Variants in DOCK8 observed in about 807,000 individuals in gnomAD.
The protein encoded by DOCK8 is dedicator of cytokinesis protein 8.
In DOCK8, 141 loss-of-function variants were observed where a neutral mutation model predicts 245.6. The ratio of observed to expected loss-of-function variants is 0.57; its 90% CI spans 0.50 to 0.66. The LOEUF is 0.66. Ranked by LOEUF, DOCK8 falls within the 30% of genes least tolerant of loss-of-function variation. The probability of loss-of-function intolerance (pLI) is 0.00; values close to 1 mark genes in which losing one functional copy is unlikely to be tolerated. For synonymous variants in DOCK8, 1,168 were observed against 970.2 expected (o/e 1.20, Z -3.79); for missense variants, 2,965 against 2,603.4 (o/e 1.14, Z -3.02).
chr9:400,291 A>T (rs1227278338), intron 26 of DOCK8, among the ~76,000 whole-genome samples: 5 of 75,580 alleles, frequency 6.6e-5, no homozygotes, highest in Admixed American at 1.4e-4. Flanking sequence ...TTCCTTCACC[A>T]CCACCACCAT....
chr9:465,195 A>G lies in DOCK8; in HGVS notation c.*976A>G, dbSNP rs965757367. 2.6e-5 allele frequency: 4 copies of G among 152,670 alleles called. No homozygotes were observed. Among genetic ancestry groups the G allele is most frequent in the African/African-American group, 9.6e-5 (4 of 41,458 alleles). The allele number at this position is 152,670 out of a possible 1,614,324, so 9.5% of individuals were successfully genotyped here. A position where few individuals can be genotyped will look rare whatever the true frequency, so the allele number is the denominator to read the frequency against. ...ACATTATTTGAGAATTAAATTATAT[A>G]TTTTTAATATGACTGTGACCTTGAC... On this transcript the variant is annotated 3_prime_UTR_variant, in exon 48 of 48. Transcript: ENST00000432829.
intron 23 of DOCK8, among the ~76,000 whole-genome samples, chr9:388,843 C>T (rs897905515): frequency 2.0e-5 from 3 of 152,134 alleles, no homozygotes; most frequent in African/African-American, 7.2e-5. Context: ...CATGAGTCAA[C>T]ACACCTAGCC....
rs1016679656 is a variant in DOCK8 at position 275,985 on chromosome 9, C to T, written c.156+4256C>T. ...TGCTCTCTGCAACCTCTGCCTCCTG[C>T]GTTCAAGTGATTCTCCTGACTTAGC... On this transcript the variant is annotated intron_variant, in intron 2 of 47. Coordinates refer to ENST00000432829, the MANE Select transcript of DOCK8 (RefSeq NM_203447.4). Among the ~76,000 whole-genome samples, 8 of 152,026 alleles carry T rather than the reference C, an allele frequency of 5.3e-5. No homozygotes were observed. In the South Asian group the frequency reaches 6.2e-4, roughly 12 times the overall value.
rs184022224 is a variant in DOCK8 at position 378,614 on chromosome 9, A to G, written c.2441-1157A>G. Among the ~76,000 whole-genome samples, 65 of 152,352 alleles carry G rather than the reference A, an allele frequency of 4.3e-4. 1 individual carries two copies. The highest frequency in any genetic ancestry group is 2.5e-3 in the South Asian group (12 of 4,832). On this transcript the variant is annotated intron_variant, in intron 20 of 47. Transcript: ENST00000432829. ...CTTCGATTACTTTCTGTGCCCCCGC[A>G]TATGTGGCACACTGCTTTGTATGTT...
intron 23 of DOCK8, among the ~76,000 whole-genome samples, chr9:389,354 T>G (rs899991052): frequency 1.3e-5 from 2 of 152,182 alleles, no homozygotes; most frequent in Non-Finnish European, 2.9e-5. Context: ...TGAAGGGAAG[T>G]GAAGACGCAA....
At position 368,015 on chromosome 9, in the gene DOCK8, C is replaced by T; in HGVS notation, c.1680-3C>T. The T allele has an allele frequency of 6.2e-7, 1 of 1,609,530 alleles. No homozygotes were observed. The highest frequency in any genetic ancestry group is 8.5e-7 in the Non-Finnish European group (1 of 1,175,832). Reference sequence around the variant, plus strand: ...CATTGATTCTTTATCTCTTCTTTTCCAGAAACCTTCTCTATGTCTACCCAC... The same window carrying T: ...CATTGATTCTTTATCTCTTCTTTTCTAGAAACCTTCTCTATGTCTACCCAC... On this transcript the variant is annotated splice_region_variant and splice_polypyrimidine_tract_variant and intron_variant, in intron 14 of 47. Transcript: ENST00000432829.
At position 450,366 on chromosome 9, in the gene DOCK8, A is replaced by T. The variant is rs191209767; in HGVS notation, c.5961+439A>T. Among the ~76,000 whole-genome samples the T allele has an allele frequency of 1.4e-4, 22 of 152,314 alleles. No individual in the cohort carries two copies. The South Asian group carries it at 3.9e-3, about 27-fold the overall frequency. ...CAACTCTTGGCTCAGTCAGCAGATG[A>T]ACCCAGCATGCCAAGGACCTTGACA... On this transcript the variant is annotated intron_variant, in intron 45 of 47. Coordinates refer to ENST00000432829, the MANE Select transcript of DOCK8 (RefSeq NM_203447.4).
intron 1 of DOCK8, among the ~76,000 whole-genome samples, chr9:243,581 G>A (rs1403428890): frequency 1.3e-5 from 2 of 152,252 alleles, no homozygotes; most frequent in East Asian, 3.9e-4. Flanking sequence ...ACTGACCCAT[G>A]TTCTGTTTCA....
At chr9:429,040 T>C (rs2056607136) in intron 35 of DOCK8, among the ~76,000 whole-genome samples, 1 of 152,232 alleles carries the variant, frequency 6.6e-6, no homozygotes, top group Non-Finnish European at 1.5e-5. Context: ...CCATCTCAGC[T>C]CACTGCAGCC....
chr9:230,803 C>T (rs1396008664), intron 1 of DOCK8, among the ~76,000 whole-genome samples: 1 of 151,880 alleles, frequency 6.6e-6, no homozygotes, highest in Non-Finnish European at 1.5e-5. Flanking sequence ...GGATATTCGC[C>T]CTTTGTCAGA....
At chr9:232,490 C>A (rs2047139574) in intron 1 of DOCK8, among the ~76,000 whole-genome samples, 1 of 152,118 alleles carries the variant, frequency 6.6e-6, no homozygotes, top group Non-Finnish European at 1.5e-5. Flanking sequence ...CCTCTTTGTA[C>A]CTCTGGTAGA....
intron 29 of DOCK8, among the ~76,000 whole-genome samples, chr9:415,419 A>G (rs2055949217): frequency 6.6e-6 from 1 of 152,220 alleles, no homozygotes; most frequent in South Asian, 2.1e-4. Context: ...AATATTAGAA[A>G]ATTCTATCAT....
At chr9:298,677 C>G (rs573279923) in intron 4 of DOCK8, among the ~76,000 whole-genome samples, 7 of 150,184 alleles carry the variant, frequency 4.7e-5, no homozygotes, top group African/African-American at 1.7e-4. Context: ...GAGAGATGTT[C>G]CTTTGTAAGT....
At position 464,188 on chromosome 9, in the gene DOCK8, A is replaced by T; in HGVS notation, c.6269A>T (p.Lys2090Ile). 8 of 1,614,006 alleles carry T rather than the reference A, an allele frequency of 5.0e-6. No homozygotes were observed. The highest frequency in any genetic ancestry group is 6.8e-6 in the Non-Finnish European group (8 of 1,179,892). Residue 2090 changes from lysine (K) to isoleucine (I), a missense_variant, in exon 48 of 48, where the codon AAA (lysine) becomes ATA (isoleucine). Lys to Ile is a moderately radical substitution (Grantham distance 102). This residue lies in a region of DOCK8 where 134 missense variants were observed against 128.1 expected (regional missense o/e 1.05). Coordinates refer to ENST00000432829, the MANE Select transcript of DOCK8 (RefSeq NM_203447.4). The part of the protein sequence containing the change: ...RDSFHRSSFR[K>I]CETQLSQGS Reference sequence around the variant, plus strand: ...TCCTTCCACAGATCTAGTTTCAGGAAATGTGAAACCCAGTTGTCACAGGGC... The same window carrying T: ...TCCTTCCACAGATCTAGTTTCAGGATATGTGAAACCCAGTTGTCACAGGGC...
intron 46 of DOCK8, chr9:460,544 A>G (rs1477971028): frequency 6.6e-6 from 1 of 152,274 alleles, no homozygotes; most frequent in Non-Finnish European, 1.5e-5. Flanking sequence ...TTCAAAGGCC[A>G]TATGCCTTCC....
chr9:361,115 T>C (rs1159160752), intron 14 of DOCK8, among the ~76,000 whole-genome samples: 1 of 152,078 alleles, frequency 6.6e-6, no homozygotes, highest in Non-Finnish European at 1.5e-5. Context: ...TGCAGTAAGC[T>C]GTGATCACGC....
intron 26 of DOCK8, 122 bp from the exon 27 acceptor site, chr9:404,796 C>A: frequency 2.0e-6 from 2 of 999,470 alleles, no homozygotes. Flanking sequence ...TGCACTATCC[C>A]ATTAGTTTTT....
In DOCK8 at chr9:417,782, A is replaced by T. The variant is rs534175637; in HGVS notation, c.3701-286A>T. 5.9e-5 allele frequency among the ~76,000 whole-genome samples: 9 copies of T among 152,366 alleles called. No homozygotes were observed. The South Asian group carries it at 1.2e-3, about 21-fold the overall frequency. ...AAAATAATGCCAATTATTAGAATAGAGAATGAAGTTTAAAAAATTATGTTA... is the reference window on the plus strand; with the variant it reads ...AAAATAATGCCAATTATTAGAATAGTGAATGAAGTTTAAAAAATTATGTTA... On this transcript the variant is annotated intron_variant, in intron 29 of 47. Transcript: ENST00000432829.
chr9:440,150 C>G (rs2057047504), intron 40 of DOCK8, among the ~76,000 whole-genome samples: 1 of 152,102 alleles, frequency 6.6e-6, no homozygotes. Flanking sequence ...TCATGAGTAG[C>G]TGGGATTACA....
Sources: gnomAD v4.1 joint callset for allele counts (sites outside exome capture counted in the v4.1 genomes callset) on GRCh38, gnomAD v4.1.1 for gene constraint, gnomAD v4.1.1 regional missense constraint, MANE v1.5 for transcripts, NCBI Gene and HGNC (gene_info 2026-07-23, HGNC 2026-07-21) for gene names.